The following CNBD1 variants were observed in gnomAD, a reference collection of about 807,000 sequenced individuals.
CNBD1 encodes the protein cyclic nucleotide binding domain containing 1.
Under a neutral mutation model 54.4 loss-of-function variants are expected in CNBD1, and 71 were observed. The observed-to-expected ratio is 1.30, with a 90% CI of 1.08 to 1.59. The LOEUF is 1.59. CNBD1 is among the 40% of genes most tolerant of loss of function. The pLI is 0.00. For synonymous variants in CNBD1, 182 were observed against 170.7 expected (o/e 1.07, Z -0.51); for missense variants, 659 against 518.0 (o/e 1.27, Z -2.64).
At chr8:87,361,212 CT>C (rs1350657452) in intron 10 of CNBD1, among the ~76,000 whole-genome samples, 1 of 151,822 alleles carries the variant, frequency 6.6e-6, no homozygotes, top group Non-Finnish European at 1.5e-5. Context: ...GCATCTTCTC[CT>C]CTTATAATTT....
intron 4 of CNBD1, among the ~76,000 whole-genome samples, chr8:87,132,686 A>T (rs1286113586): frequency 2.0e-5 from 3 of 147,588 alleles, no homozygotes; most frequent in African/African-American, 7.4e-5. Flanking sequence ...TATCTTATAT[A>T]TATCATATAT....
intron 4 of CNBD1, among the ~76,000 whole-genome samples, chr8:87,013,622 TTTG>T (rs1809270044): frequency 6.6e-6 from 1 of 151,446 alleles, no homozygotes; most frequent in South Asian, 2.1e-4. Context: ...TTTGTTTTGT[TTTG>T]TTTTTTGTTT....
intron 4 of CNBD1, among the ~76,000 whole-genome samples, chr8:87,007,189 C>T (rs1389507924): frequency 2.0e-5 from 3 of 149,776 alleles, no homozygotes; most frequent in Non-Finnish European, 4.4e-5. Flanking sequence ...AAGAGTGAAA[C>T]TCCATCTCAG....
At chr8:87,261,529 CAAAAAAAAA>C in intron 6 of CNBD1, among the ~76,000 whole-genome samples, 1 of 120,264 alleles carries the variant, frequency 8.3e-6, no homozygotes. Context: ...TATTTATAGA[CAAAAAAAAA>C]AAAAAAAAAG....
At chr8:87,277,675 G>A (rs1347476064) in intron 6 of CNBD1, among the ~76,000 whole-genome samples, 2 of 151,664 alleles carry the variant, frequency 1.3e-5, no homozygotes, top group Non-Finnish European at 3.0e-5. Flanking sequence ...CTGTCCTAAA[G>A]ACTGAAAACC....
intron 2 of CNBD1, among the ~76,000 whole-genome samples, chr8:87,422,955 A>G (rs572018074): frequency 9.1e-4 from 139 of 151,926 alleles, no homozygotes; most frequent in East Asian, 3.7e-3. Flanking sequence ...TTCCTTGAGC[A>G]GCGGTTTGTA....
At chr8:86,956,644 G>A (rs1807779717) in intron 4 of CNBD1, among the ~76,000 whole-genome samples, 1 of 152,140 alleles carries the variant, frequency 6.6e-6, no homozygotes, top group South Asian at 2.1e-4. Context: ...TGTTATTGGT[G>A]TATAGGAATG....
chr8:86,933,158 T>C (rs1809484759), intron 3 of CNBD1, among the ~76,000 whole-genome samples: 1 of 152,148 alleles, frequency 6.6e-6, no homozygotes, highest in African/African-American at 2.4e-5. Context: ...TACCCCCCAA[T>C]TTTGGAGTCT....
At chr8:87,374,065 A>G (rs1810874794) in intron 10 of CNBD1, among the ~76,000 whole-genome samples, 1 of 151,904 alleles carries the variant, frequency 6.6e-6, no homozygotes. Flanking sequence ...ATTGTTTGGC[A>G]AAACTAATCC....
At chr8:87,221,198 C>CTTAA (rs1403233706) in intron 5 of CNBD1, among the ~76,000 whole-genome samples, 2 of 152,128 alleles carry the variant, frequency 1.3e-5, no homozygotes, top group African/African-American at 4.8e-5. Flanking sequence ...AGTCAGCCAT[C>CTTAA]TTAAACCAGT....
At chr8:87,428,618 G>A in intron 3 of CNBD1, 2 of 453,552 alleles carry the variant, frequency 4.4e-6, no homozygotes, top group South Asian at 3.1e-5. Context: ...ACAGATGTAA[G>A]TAAAATGTTC....
downstream of CNBD1, among the ~76,000 whole-genome samples, chr8:87,385,868 A>G (rs1811173064): frequency 6.6e-6 from 1 of 152,204 alleles, no homozygotes; most frequent in South Asian, 2.1e-4. Flanking sequence ...GGCAACACCC[A>G]GTAGGGTCAG....
chr8:87,383,986 C>A (rs1033645993), downstream of CNBD1, among the ~76,000 whole-genome samples: 2 of 152,014 alleles, frequency 1.3e-5, no homozygotes, highest in African/African-American at 4.8e-5. Flanking sequence ...GTAATGATTA[C>A]AAGACATTAG....
chr8:87,414,306 G>T (rs1292903665), intron 2 of CNBD1, among the ~76,000 whole-genome samples: 3 of 152,016 alleles, frequency 2.0e-5, no homozygotes, highest in African/African-American at 4.8e-5. Context: ...CTCACTCATA[G>T]GTGGGAATTG....
intron 4 of CNBD1, among the ~76,000 whole-genome samples, chr8:87,143,739 T>C (rs1160240859): frequency 6.6e-6 from 1 of 152,222 alleles, no homozygotes; most frequent in East Asian, 1.9e-4. Flanking sequence ...GATCTTAGTA[T>C]GTGAAATAGT....
chr8:87,335,235 C>G (rs1809920236), intron 8 of CNBD1, among the ~76,000 whole-genome samples: 1 of 152,100 alleles, frequency 6.6e-6, no homozygotes, highest in Non-Finnish European at 1.5e-5. Flanking sequence ...TGATACAGAG[C>G]TGAGTTTGAA....
intron 4 of CNBD1, among the ~76,000 whole-genome samples, chr8:87,115,816 G>A (rs1315088562): frequency 6.6e-6 from 1 of 152,178 alleles, no homozygotes; most frequent in Non-Finnish European, 1.5e-5. Flanking sequence ...CCCTCTGGAA[G>A]CTACCTCTTC....
chr8:87,024,022 G>T (rs770222282), intron 4 of CNBD1, among the ~76,000 whole-genome samples: 37 of 152,008 alleles, frequency 2.4e-4, no homozygotes, highest in Non-Finnish European at 4.4e-4. Context: ...TGGATCACGA[G>T]GTCTGGAGAT....
At chr8:87,049,574 C>T (rs1243146740) in intron 4 of CNBD1, among the ~76,000 whole-genome samples, 3 of 152,126 alleles carry the variant, frequency 2.0e-5, no homozygotes, top group Non-Finnish European at 4.4e-5. Flanking sequence ...TGAAGACAGT[C>T]CAATCTGGAT....
Sources: allele counts gnomAD v4.1 joint callset (sites outside exome capture counted in the v4.1 genomes callset), GRCh38; gene constraint gnomAD v4.1.1; transcripts MANE v1.5; gene names NCBI Gene and HGNC (gene_info 2026-07-23, HGNC 2026-07-21).